Variants in DENND5B observed in about 807,000 individuals in gnomAD.
The protein encoded by DENND5B is DENN domain-containing protein 5B.
DENND5B carries 34 observed loss-of-function variants against 140.6 expected under a neutral mutation model. The observed-to-expected ratio is 0.24, with a 90% confidence interval of 0.18 to 0.32. The LOEUF (loss-of-function observed/expected upper bound fraction) is 0.32. Among genes scored for constraint, DENND5B ranks in the 10% least tolerant of loss-of-function variants. DENND5B has a pLI of 1.00. For synonymous variants in DENND5B, 551 were observed against 562.1 expected (o/e 0.98, Z 0.28); for missense variants, 1,142 against 1,560.2 (o/e 0.73, Z 4.52).
At chr12:31,484,720 G>A (rs1946219492) in intron 2 of DENND5B, among the ~76,000 whole-genome samples, 1 of 152,096 alleles carries the variant, frequency 6.6e-6, no homozygotes, top group Non-Finnish European at 1.5e-5. Context: ...AGAATTGCTT[G>A]AACCTGGGAG....
chr12:31,401,860 A>G (rs1239365275), intron 15 of DENND5B, among the ~76,000 whole-genome samples: 1 of 152,128 alleles, frequency 6.6e-6, no homozygotes, highest in Admixed American at 6.6e-5. Context: ...CCTGGGCTCA[A>G]GCAATCTGCT....
intron 4 of DENND5B, among the ~76,000 whole-genome samples, chr12:31,457,031 C>T (rs1413304727): frequency 6.6e-6 from 1 of 152,200 alleles, no homozygotes; most frequent in Non-Finnish European, 1.5e-5. Context: ...CTGCAGTGAG[C>T]TGTGCCACCA....
chr12:31,530,849 T>G (rs148514097), intron 1 of DENND5B, among the ~76,000 whole-genome samples: 1 of 152,246 alleles, frequency 6.6e-6, no homozygotes, highest in Admixed American at 6.5e-5. Context: ...GCTATCAAAG[T>G]TGCCAGTGAG....
chr12:31,467,444 T>C (rs557753810), intron 3 of DENND5B, among the ~76,000 whole-genome samples: 121 of 150,960 alleles, frequency 8.0e-4, no homozygotes, highest in Non-Finnish European at 1.3e-3. Flanking sequence ...GACAAGACAG[T>C]GAGACCCCCA....
chr12:31,417,487 G>A (rs945940344), intron 11 of DENND5B, among the ~76,000 whole-genome samples: 1 of 151,410 alleles, frequency 6.6e-6, no homozygotes, highest in Non-Finnish European at 1.5e-5. Context: ...TAGACACTAA[G>A]TATAATGTCC....
At chr12:31,400,726 T>C (rs919864352) in intron 15 of DENND5B, among the ~76,000 whole-genome samples, 1 of 152,254 alleles carries the variant, frequency 6.6e-6, no homozygotes, top group East Asian at 1.9e-4. Context: ...AATTATACTT[T>C]TAGTTATTTT....
At chr12:31,573,219 T>C (rs1565708931) in intron 1 of DENND5B, among the ~76,000 whole-genome samples, 1 of 152,200 alleles carries the variant, frequency 6.6e-6, no homozygotes, top group Non-Finnish European at 1.5e-5. Flanking sequence ...AAAATGACAA[T>C]TTATACTTTA....
At chr12:31,542,984 G>T (rs572713808) in intron 1 of DENND5B, among the ~76,000 whole-genome samples, 15 of 152,194 alleles carry the variant, frequency 9.9e-5, no homozygotes, top group Admixed American at 3.3e-4. Flanking sequence ...TGAAAAAAAT[G>T]TTGTAGTGAG....
chr12:31,394,694 AGTTCCGCCTCCCGG>A (rs1941339468), intron 17 of DENND5B, among the ~76,000 whole-genome samples: 1 of 151,244 alleles, frequency 6.6e-6, no homozygotes, highest in African/African-American at 2.4e-5. Flanking sequence ...GGTCACTGCA[AGTTCCGCCTCCCGG>A]GTTCACGCCA....
In DENND5B at chr12:31,532,118, T is replaced by C. The variant is rs536670738; in HGVS notation, c.128-36199A>G. ...ATGACTACATGGCTATAAACTGAGA[T>C]AATTCTCTGAAGAAAGAAGCACAGT... On this transcript the variant is annotated intron_variant, in intron 1 of 20. Coordinates refer to ENST00000389082, the MANE Select transcript of DENND5B (RefSeq NM_144973.4). Among the ~76,000 whole-genome samples, 3 of 152,338 alleles carry C rather than the reference T, an allele frequency of 2.0e-5. No homozygotes were observed. The South Asian group carries it at 6.2e-4, about 32-fold the overall frequency.
chr12:31,439,983 G>A (rs1304882229), intron 7 of DENND5B, among the ~76,000 whole-genome samples: 2 of 131,482 alleles, frequency 1.5e-5, no homozygotes, highest in African/African-American at 5.7e-5. Context: ...TAAACTAATA[G>A]TCTATCCAGA....
At chr12:31,477,993 A>T (rs1386099923) in intron 3 of DENND5B, 1 of 206,832 alleles carries the variant, frequency 4.8e-6, no homozygotes, top group Non-Finnish European at 1.1e-5. Context: ...CCTAATGCCC[A>T]AGGAGCTTCA....
chr12:31,584,508 G>A (rs561086542), intron 1 of DENND5B, among the ~76,000 whole-genome samples: 1 of 152,294 alleles, frequency 6.6e-6, no homozygotes, highest in South Asian at 2.1e-4. Context: ...CCTGAGGCTG[G>A]GTAGTCTATA....
chr12:31,413,293 G>T, intron 13 of DENND5B, 143 bp downstream of exon 13: 1 of 1,042,750 alleles, frequency 9.6e-7, no homozygotes. Flanking sequence ...AGTTTTCAAA[G>T]CACACGCCTG....
At chr12:31,480,468 CT>C (rs1946024976) in intron 2 of DENND5B, among the ~76,000 whole-genome samples, 1 of 152,034 alleles carries the variant, frequency 6.6e-6, no homozygotes, top group Admixed American at 6.6e-5. Context: ...AAGGGAAAAA[CT>C]TTTACTGTGT....
chr12:31,583,293 T>C (rs1312509455), intron 1 of DENND5B, among the ~76,000 whole-genome samples: 1 of 110,536 alleles, frequency 9.0e-6, no homozygotes, highest in South Asian at 3.3e-4. Flanking sequence ...CTCAGTCTTT[T>C]AAAAAAAAAA....
intron 4 of DENND5B, among the ~76,000 whole-genome samples, chr12:31,454,173 C>T (rs73082424): frequency 1.3e-3 from 194 of 151,950 alleles, no homozygotes; most frequent in Admixed American, 2.6e-3. Context: ...TTCGGTTTCC[C>T]TCCTTTCAAA....
chr12:31,578,292 T>C (rs1395837903), intron 1 of DENND5B, among the ~76,000 whole-genome samples: 1 of 152,192 alleles, frequency 6.6e-6, no homozygotes, highest in Non-Finnish European at 1.5e-5. Flanking sequence ...GAAAAGTATC[T>C]AGAAACAATC....
chr12:31,565,503 C>A (rs1465969889), intron 1 of DENND5B, among the ~76,000 whole-genome samples: 2 of 152,172 alleles, frequency 1.3e-5, no homozygotes, highest in African/African-American at 2.4e-5. Context: ...GATGCACAAC[C>A]AACAAAATCT....
Sources: allele counts gnomAD v4.1 joint callset (sites outside exome capture counted in the v4.1 genomes callset), GRCh38; gene constraint gnomAD v4.1.1; transcripts MANE v1.5; gene names NCBI Gene and HGNC (gene_info 2026-07-23, HGNC 2026-07-21).